BFSP1: variants seen among roughly 807,000 people sequenced by gnomAD.
The protein encoded by BFSP1 is filensin.
Under a neutral mutation model 43.9 loss-of-function variants are expected in BFSP1, and 38 were observed. The ratio of observed to expected loss-of-function variants is 0.87; its 90% CI spans 0.67 to 1.14. The LOEUF is 1.14. Among genes scored for constraint, BFSP1 ranks in the 50% most tolerant of loss-of-function variants. BFSP1 has a pLI of 0.00. For missense variants in BFSP1, 850 were observed against 875.1 expected, an observed-to-expected ratio of 0.97 and a Z score of 0.36; for synonymous variants, 352 against 354.8, an observed-to-expected ratio of 0.99 and a Z score of 0.09.
intron 1 of BFSP1, among the ~76,000 whole-genome samples, chr20:17,566,790 A>G (rs532767374): frequency 3.5e-4 from 53 of 152,252 alleles, no homozygotes; most frequent in African/African-American, 1.3e-3. Context: ...AATAGCTGAG[A>G]TTACAGGTGC....
At chr20:17,545,648 A>G (rs2034787810) in intron 1 of BFSP1, among the ~76,000 whole-genome samples, 1 of 152,228 alleles carries the variant, frequency 6.6e-6, no homozygotes, top group Admixed American at 6.5e-5. Context: ...GGTGTTTACA[A>G]CCTAGGAGGC....
At chr20:17,555,645 CCT>C (rs1401768819) in intron 1 of BFSP1, among the ~76,000 whole-genome samples, 3 of 151,870 alleles carry the variant, frequency 2.0e-5, no homozygotes, top group Non-Finnish European at 4.4e-5. Context: ...AGAATGAGAC[CCT>C]GTCTCAAAAA....
At chr20:17,500,132 G>A (rs1022077163) in intron 5 of BFSP1, among the ~76,000 whole-genome samples, 2 of 152,190 alleles carry the variant, frequency 1.3e-5, no homozygotes, top group Non-Finnish European at 2.9e-5. Context: ...TTTCTCCCGA[G>A]TTTGGATCGG....
chr20:17,553,828 T>TATATACAC (rs1568717967), intron 1 of BFSP1, among the ~76,000 whole-genome samples: 2 of 104,048 alleles, frequency 1.9e-5, no homozygotes, highest in East Asian at 2.8e-4. Flanking sequence ...CACACACATA[T>TATATACAC]ATATATATAC....
At chr20:17,502,500 T>C (rs2033827554) in intron 5 of BFSP1, among the ~76,000 whole-genome samples, 1 of 152,120 alleles carries the variant, frequency 6.6e-6, no homozygotes, top group South Asian at 2.1e-4. Context: ...TAAATGTGAG[T>C]AGGATCTCGA....
rs952673990 is a variant in BFSP1, at chr20:17,525,870, A to G, written c.378-962T>C. 3.3e-5 allele frequency among the ~76,000 whole-genome samples: 5 copies of G among 152,146 alleles called. No homozygotes were observed. The highest frequency in any genetic ancestry group is 1.2e-4 in the African/African-American group (5 of 41,440). The stretch of plus-strand genomic sequence containing the variant: ...AAGTCCTGACCAATGGGATGGAAGC[A>G]TAAGTCTGCATGGCAGCTTCCAGAT... On this transcript the variant is annotated intron_variant, in intron 1 of 7. Coordinates refer to ENST00000377873, the MANE Select transcript of BFSP1 (RefSeq NM_001195.5). This position sits in a 1 kb window ranked among gnomAD's most constrained non-coding sequence, Gnocchi z 4.2.
At position 17,531,339 on chromosome 20, in the gene BFSP1, GGCGCGGGC is replaced by G; in HGVS notation, c.-18_-11del. The G allele has an allele frequency of 7.2e-7, 1 of 1,390,868 alleles. No homozygotes were observed. The highest frequency in any genetic ancestry group is 3.4e-5 in the Admixed American group (1 of 29,312). The allele number at this position is 1,390,868 out of a possible 1,614,324, so 86.2% of individuals were successfully genotyped here. ...AGCTGCGCCGGTACATGGCTGCTCT[GGCGCGGGC>G]GCGCGGGCGGCGCCGAGCCGGCTCT... On this transcript the variant is annotated 5_prime_UTR_variant, in exon 1 of 8. Coordinates refer to ENST00000377873, the MANE Select transcript of BFSP1 (RefSeq NM_001195.5).
At chr20:17,502,812 C>A (rs1478691398) in intron 5 of BFSP1, among the ~76,000 whole-genome samples, 1 of 152,146 alleles carries the variant, frequency 6.6e-6, no homozygotes, top group Non-Finnish European at 1.5e-5. Flanking sequence ...CACACTAACG[C>A]CTGGTGCAGC....
At chr20:17,543,664 T>TATCA (rs1467340920) in intron 1 of BFSP1, among the ~76,000 whole-genome samples, 1 of 152,196 alleles carries the variant, frequency 6.6e-6, no homozygotes, top group East Asian at 1.9e-4. Flanking sequence ...ACAAAAAATC[T>TATCA]ATCAGCTCAT....
upstream of BFSP1, among the ~76,000 whole-genome samples, chr20:17,562,772 G>A (rs190577030): frequency 1.2e-4 from 19 of 152,246 alleles, no homozygotes; most frequent in East Asian, 3.5e-3. Flanking sequence ...GTCACCATGT[G>A]GTACTGTATC....
At chr20:17,541,212 T>A (rs1444117204) in intron 1 of BFSP1, 3 of 937,620 alleles carry the variant, frequency 3.2e-6, no homozygotes, top group South Asian at 4.9e-5. Flanking sequence ...AAAAAAAAAA[T>A]AATAATTAGT....
intron 2 of BFSP1, among the ~76,000 whole-genome samples, chr20:17,520,646 T>A (rs1465532489): frequency 6.6e-6 from 1 of 152,150 alleles, no homozygotes; most frequent in East Asian, 1.9e-4. Flanking sequence ...TCTGCCTCAG[T>A]CTCCTCAACT....
intron 4 of BFSP1, among the ~76,000 whole-genome samples, chr20:17,510,745 A>C (rs6080726): frequency 0.49 from 74,042 of 151,946 alleles, 19,097 homozygotes; most frequent in African/African-American, 0.65. Flanking sequence ...ACCTCCTGGG[A>C]AGCCCATTCA....
rs1187217012 is a variant in BFSP1 at position 17,525,082 on chromosome 20, A to G, written c.378-174T>C. ...GCATTTCCTAGCTGACTGCCTCCCA[A>G]TCAGAAAGTGGTACCATTTGCACAC... is the stretch of plus-strand genomic sequence containing the variant. On this transcript the variant is annotated intron_variant, in intron 1 of 7. Coordinates refer to ENST00000377873, the MANE Select transcript of BFSP1 (RefSeq NM_001195.5). This position sits in a 1 kb window ranked among gnomAD's most constrained non-coding sequence, Gnocchi z 4.2. Among the ~76,000 whole-genome samples, 2 of 152,062 alleles carry G rather than the reference A, an allele frequency of 1.3e-5. No individual in the cohort carries two copies. Among genetic ancestry groups the G allele is most frequent in the Non-Finnish European group, 2.9e-5 (2 of 67,994 alleles).
chr20:17,538,531 A>G (rs959117025), intron 1 of BFSP1, among the ~76,000 whole-genome samples: 13 of 152,316 alleles, frequency 8.5e-5, no homozygotes, highest in African/African-American at 2.9e-4. Context: ...GATTCACCAG[A>G]TGGTATCATG....
chr20:17,512,199 T>G, intron 3 of BFSP1, 131 bp from the exon 4 acceptor site: 1 of 671,410 alleles, frequency 1.5e-6, no homozygotes, highest in Non-Finnish European at 2.5e-6. Flanking sequence ...CATGACCAGG[T>G]TCAGGAGGAA....
upstream of BFSP1, among the ~76,000 whole-genome samples, chr20:17,534,577 A>G (rs373943027): frequency 4.7e-4 from 72 of 152,346 alleles, no homozygotes; most frequent in African/African-American, 1.6e-3. Flanking sequence ...GACCATAAGG[A>G]ATCATCCAGA....
chr20:17,568,436 G>A (rs1393605762), intron 1 of BFSP1, among the ~76,000 whole-genome samples: 1 of 141,620 alleles, frequency 7.1e-6, no homozygotes, highest in Non-Finnish European at 1.6e-5. Flanking sequence ...GAAAAGCAAA[G>A]GGTTCCAGCT....
At chr20:17,563,309 A>ATGT, upstream of BFSP1, among the ~76,000 whole-genome samples, 1 of 152,318 alleles carries the variant, frequency 6.6e-6, no homozygotes, top group South Asian at 2.1e-4. Context: ...TATATAGTAC[A>ATGT]GGGTATGTGG....
Sources: gnomAD v4.1 joint callset for allele counts (sites outside exome capture counted in the v4.1 genomes callset) on GRCh38, gnomAD v4.1.1 for gene constraint, Gnocchi (gnomAD v3.1) non-coding constraint, MANE v1.5 for transcripts, NCBI Gene and HGNC (gene_info 2026-07-23, HGNC 2026-07-21) for gene names.